RIOK1: variants seen among roughly 807,000 people sequenced by gnomAD.
RIOK1 encodes serine/threonine-protein kinase RIO1.
Under a neutral mutation model 73.5 loss-of-function variants are expected in RIOK1, and 66 were observed. The ratio of observed to expected loss-of-function variants is 0.90; its 90% CI spans 0.74 to 1.10. The LOEUF (loss-of-function observed/expected upper bound fraction) is 1.10, where lower values mean the gene tolerates loss of function less well. Among genes scored for constraint, RIOK1 ranks in the 50% least tolerant of loss-of-function variants. The probability of loss-of-function intolerance (pLI) is 0.00; values close to 1 mark genes in which losing one functional copy is unlikely to be tolerated. For synonymous variants in RIOK1, 224 were observed against 226.8 expected (o/e 0.99, Z 0.11); for missense variants, 658 against 699.8 (o/e 0.94, Z 0.67).
At chr6:7,406,116 G>A (rs1049449054) in intron 12 of RIOK1, among the ~76,000 whole-genome samples, 1 of 151,592 alleles carries the variant, frequency 6.6e-6, no homozygotes, top group African/African-American at 2.4e-5. Flanking sequence ...TCCCAGCTCA[G>A]TCTCCGAGTA....
At chr6:7,398,051 AGAATGGCGTGAACC>A (rs1304168555) in intron 4 of RIOK1, among the ~76,000 whole-genome samples, 1 of 152,220 alleles carries the variant, frequency 6.6e-6, no homozygotes, top group Non-Finnish European at 1.5e-5. Flanking sequence ...CTGAGGCAGG[AGAATGGCGTGAACC>A]CGGGAGGCAG....
intron 4 of RIOK1, among the ~76,000 whole-genome samples, chr6:7,397,985 C>CA (rs1189696310): frequency 6.6e-6 from 1 of 151,984 alleles, no homozygotes; most frequent in Non-Finnish European, 1.5e-5. Context: ...ACTAAAAATA[C>CA]AAAAAAATTA....
chr6:7,401,110 C>A, intron 6 of RIOK1, 60 bp downstream of exon 6: 1 of 1,099,212 alleles, frequency 9.1e-7, no homozygotes, highest in Non-Finnish European at 1.4e-6. Flanking sequence ...CCAGATGAAA[C>A]TGGCACTTAG....
intron 8 of RIOK1, among the ~76,000 whole-genome samples, chr6:7,403,329 T>A (rs927763597): frequency 1.3e-5 from 2 of 152,252 alleles, no homozygotes; most frequent in Non-Finnish European, 2.9e-5. Context: ...CGTGAACTCT[T>A]TGTTTATCAT....
rs200020707 is a variant in RIOK1 at position 7,403,949 on chromosome 6, C to T, written c.776C>T (p.Thr259Ile). ...TTGTTATAATATCACAGGCTAAACA[C>T]AGCAGAGATACCATGTCCAGAACCA... is the stretch of plus-strand genomic sequence containing the variant. Reference protein sequence around the residue: ...KEMRNLIRLNTAEIPCPEPIM... With the variant: ...KEMRNLIRLNIAEIPCPEPIM... The change falls in exon 9 of 17, where the codon ACA becomes ATA. Residue 259 changes from threonine (T) to isoleucine (I), a missense_variant. Coordinates refer to ENST00000379834, the MANE Select transcript of RIOK1 (RefSeq NM_031480.3). 1.2e-4 allele frequency: 193 copies of T among 1,610,204 alleles called. No homozygotes were observed. In the East Asian group the frequency reaches 4.2e-3, roughly 35 times the overall value.
chr6:7,405,324 C>G lies in RIOK1; in HGVS notation c.1172C>G (p.Thr391Arg), dbSNP rs1341650132. ...GAATTTGTCACAGATCCATCCATTACACATGAGAACATGGATGCTTATCTC... is the reference window on the plus strand; with the variant it reads ...GAATTTGTCACAGATCCATCCATTAGACATGAGAACATGGATGCTTATCTC... Reference protein sequence around the residue: ...LFEFVTDPSITHENMDAYLSK... With the variant: ...LFEFVTDPSIRHENMDAYLSK... Residue 391 changes from threonine (T) to arginine (R), a missense_variant, in exon 12 of 17, where the codon ACA becomes AGA. Physicochemically the swap from Thr to Arg is moderately conservative, Grantham distance 71. Coordinates refer to ENST00000379834, the MANE Select transcript of RIOK1 (RefSeq NM_031480.3). 2 of 1,608,466 alleles carry G rather than the reference C, an allele frequency of 1.2e-6. No homozygotes were observed. Among genetic ancestry groups the G allele is most frequent in the African/African-American group, 2.7e-5 (2 of 74,808 alleles).
At chr6:7,398,058 C>T (rs1382927217) in intron 4 of RIOK1, among the ~76,000 whole-genome samples, 5 of 152,298 alleles carry the variant, frequency 3.3e-5, no homozygotes, top group African/African-American at 9.6e-5. Context: ...AGGAGAATGG[C>T]GTGAACCCGG....
At position 7,390,539 on chromosome 6, in the gene RIOK1, C is replaced by T. The variant is rs183097243; in HGVS notation, c.71+466C>T. Among the ~76,000 whole-genome samples the T allele has an allele frequency of 4.9e-3, 741 of 152,300 alleles. 33 individuals carry two copies. Among genetic ancestry groups the T allele is most frequent in the Admixed American group, 0.046 (698 of 15,296 alleles). ...AAATAATGATGTAGACTATGCAAATCGTTTGATATACCAAGTGGTGACTGA... is the reference window on the plus strand; with the variant it reads ...AAATAATGATGTAGACTATGCAAATTGTTTGATATACCAAGTGGTGACTGA... On this transcript the variant is annotated intron_variant, in intron 1 of 16. Transcript: ENST00000379834.
intron 12 of RIOK1, among the ~76,000 whole-genome samples, chr6:7,409,355 A>G (rs1761831576): frequency 6.6e-6 from 1 of 151,672 alleles, no homozygotes; most frequent in African/African-American, 2.4e-5. Flanking sequence ...CCCGGGTTCA[A>G]GTGATTCTCC....
intron 3 of RIOK1, 89 bp from the exon 4 acceptor site, chr6:7,396,614 G>A (rs886118589): frequency 2.6e-5 from 18 of 687,562 alleles, no homozygotes; most frequent in Non-Finnish European, 3.6e-5. Context: ...TAGAAGAGAA[G>A]GAAGAGGGGA....
intron 15 of RIOK1, among the ~76,000 whole-genome samples, chr6:7,413,343 C>CAAG (rs2113530307): frequency 1.3e-5 from 2 of 152,316 alleles, no homozygotes; most frequent in Admixed American, 1.3e-4. Context: ...AAAGAACAAT[C>CAAG]TCATGAGTTC....
chr6:7,399,830 C>T (rs1354805489), intron 5 of RIOK1, among the ~76,000 whole-genome samples: 1 of 152,134 alleles, frequency 6.6e-6, no homozygotes, highest in Non-Finnish European at 1.5e-5. Context: ...TTGCAATGGT[C>T]GTGATTTGGT....
At chr6:7,394,251 T>C (rs1247309209) in intron 2 of RIOK1, among the ~76,000 whole-genome samples, 1 of 152,164 alleles carries the variant, frequency 6.6e-6, no homozygotes, top group Non-Finnish European at 1.5e-5. Flanking sequence ...CTGGCCAACA[T>C]GGCGAAACCC....
chr6:7,390,406 A>G (rs1476258280), intron 1 of RIOK1, among the ~76,000 whole-genome samples: 4 of 152,192 alleles, frequency 2.6e-5, no homozygotes, highest in Non-Finnish European at 5.9e-5. Context: ...AGCACTTAAT[A>G]TGTACCACGT....
At chr6:7,391,829 A>G (rs1489943585) in intron 1 of RIOK1, among the ~76,000 whole-genome samples, 1 of 152,198 alleles carries the variant, frequency 6.6e-6, no homozygotes, top group Non-Finnish European at 1.5e-5. Context: ...TTAACATGCC[A>G]CTCTAGGCAA....
Position 7,414,268 on chromosome 6 carries a change from G to A in RIOK1, c.1474G>A (p.Glu492Lys), listed in dbSNP as rs762861813. 6.2e-7 allele frequency: 1 copy of A among 1,613,396 alleles called. No individual in the cohort carries two copies. Among genetic ancestry groups the A allele is most frequent in the Middle Eastern group, 1.7e-4 (1 of 6,058 alleles). The change falls in exon 16 of 17, where the codon GAA (glutamate) becomes AAA (lysine). Residue 492 changes from glutamate to lysine, a missense_variant. Transcript: ENST00000379834. ...VPALLENQVE[E>K]RTCSDSEDIG... is the part of the protein sequence containing the mutation. ...TGCACTCCTAGAAAATCAAGTGGAG[G>A]AAAGGACTTGTTCTGATTCAGAAGA... is the stretch of plus-strand genomic sequence containing the variant.
rs1761461043 is a variant in RIOK1, at chr6:7,395,807, T to A, written c.367+664T>A. 2.6e-5 allele frequency among the ~76,000 whole-genome samples: 4 copies of A among 152,174 alleles called. No individual in the cohort carries two copies. In the South Asian group the frequency reaches 8.3e-4, roughly 32 times the overall value. Reference sequence around the variant, plus strand: ...TCACTCCAACCCTGATTTCTGGGGTTCAGACGATCCTCCCACCTTAGCCTC... The same window carrying A: ...TCACTCCAACCCTGATTTCTGGGGTACAGACGATCCTCCCACCTTAGCCTC... On this transcript the variant is annotated intron_variant, in intron 3 of 16. Coordinates refer to ENST00000379834, the MANE Select transcript of RIOK1 (RefSeq NM_031480.3).
chr6:7,394,206 G>C (rs1761413941), intron 2 of RIOK1, among the ~76,000 whole-genome samples: 4 of 152,192 alleles, frequency 2.6e-5, no homozygotes, highest in Admixed American at 2.6e-4. Flanking sequence ...GGCCGAGCTG[G>C]GCGGATCACC....
At position 7,395,163 on chromosome 6, in the gene RIOK1, C is replaced by A; in HGVS notation, c.367+20C>A. ...ATTTAGGTGAGTTTACAAAATACAT[C>A]ACTGGGCTAAGAGGACATTTTTCAA... is the stretch of plus-strand genomic sequence containing the variant. On this transcript the variant is annotated intron_variant, in intron 3 of 16. Coordinates refer to ENST00000379834, the MANE Select transcript of RIOK1 (RefSeq NM_031480.3). 1 of 1,599,484 alleles carries A rather than the reference C, an allele frequency of 6.3e-7. No homozygotes were observed. Among genetic ancestry groups the A allele is most frequent in the South Asian group, 1.1e-5 (1 of 88,726 alleles).
Sources: gnomAD v4.1 joint callset for allele counts (sites outside exome capture counted in the v4.1 genomes callset) on GRCh38, gnomAD v4.1.1 for gene constraint, MANE v1.5 for transcripts, NCBI Gene and HGNC (gene_info 2026-07-23, HGNC 2026-07-21) for gene names.